Variants in CDH13 observed in about 807,000 individuals in gnomAD.
The protein encoded by CDH13 is cadherin 13.
CDH13 carries 24 observed loss-of-function variants against 63.8 expected under a neutral mutation model. The observed-to-expected ratio is 0.38, with a 90% CI of 0.27 to 0.53. The LOEUF is 0.53. Among genes scored for constraint, CDH13 ranks in the 20% least tolerant of loss-of-function variants. The pLI is 0.85. For synonymous variants in CDH13, 503 were observed against 355.3 expected (o/e 1.42, Z -4.67); for missense variants, 1,049 against 903.1 (o/e 1.16, Z -2.07).
chr16:83,688,041 G>A (rs1304576986), intron 10 of CDH13, among the ~76,000 whole-genome samples: 1 of 152,132 alleles, frequency 6.6e-6, no homozygotes, highest in Admixed American at 6.5e-5. Context: ...AACTGGTAAA[G>A]AATACAACAT....
intron 5 of CDH13, among the ~76,000 whole-genome samples, chr16:83,296,413 C>T (rs2089598661): frequency 6.6e-6 from 1 of 152,016 alleles, no homozygotes; most frequent in Non-Finnish European, 1.5e-5. Context: ...TATAGGAGTT[C>T]ATGGTAGGGA....
At chr16:83,736,856 G>A (rs1488334911) in intron 10 of CDH13, among the ~76,000 whole-genome samples, 1 of 152,218 alleles carries the variant, frequency 6.6e-6, no homozygotes, top group African/African-American at 2.4e-5. Context: ...AAGACGCCCG[G>A]TATGACCTTT....
At chr16:82,924,939 A>G (rs1460389436) in intron 2 of CDH13, among the ~76,000 whole-genome samples, 1 of 152,176 alleles carries the variant, frequency 6.6e-6, no homozygotes, top group Non-Finnish European at 1.5e-5. Context: ...CTGAAAAAAA[A>G]ATAGATGTTT....
chr16:83,656,595 T>C (rs182703307), intron 8 of CDH13, among the ~76,000 whole-genome samples: 1 of 152,252 alleles, frequency 6.6e-6, no homozygotes, highest in Non-Finnish European at 1.5e-5. Flanking sequence ...TAAGAAAAAG[T>C]CAACCAGATC....
intron 1 of CDH13, among the ~76,000 whole-genome samples, chr16:82,634,844 G>A (rs1908455676): frequency 1.3e-5 from 2 of 152,196 alleles, no homozygotes; most frequent in Admixed American, 1.3e-4. Context: ...TGACTTCAGG[G>A]AGATTCACCT....
At chr16:83,397,131 G>A (rs944015838) in intron 6 of CDH13, among the ~76,000 whole-genome samples, 3 of 151,844 alleles carry the variant, frequency 2.0e-5, no homozygotes, top group South Asian at 2.1e-4. Flanking sequence ...GTCCCTCCTC[G>A]GCCGTGGGCA....
At chr16:83,770,116 C>T (rs1914663487) in intron 11 of CDH13, among the ~76,000 whole-genome samples, 1 of 152,184 alleles carries the variant, frequency 6.6e-6, no homozygotes, top group African/African-American at 2.4e-5. Context: ...AGCGTCAAAG[C>T]AATGCCAGGA....
At chr16:83,030,257 G>T (rs938579347) in intron 2 of CDH13, among the ~76,000 whole-genome samples, 2 of 152,118 alleles carry the variant, frequency 1.3e-5, no homozygotes, top group Admixed American at 1.3e-4. Context: ...CACTGAACTC[G>T]TTGGAACTGG....
intron 1 of CDH13, among the ~76,000 whole-genome samples, chr16:82,652,184 A>G (rs1910796880): frequency 6.6e-6 from 1 of 152,168 alleles, no homozygotes. Flanking sequence ...TTGGATCTCC[A>G]TTTCCCTGGA....
At chr16:83,352,707 G>A (rs1396737120) in intron 6 of CDH13, among the ~76,000 whole-genome samples, 13 of 152,078 alleles carry the variant, frequency 8.5e-5, no homozygotes, top group Admixed American at 5.9e-4. Context: ...TGGCTAACAC[G>A]GTGAAACCCC....
chr16:83,040,757 A>G (rs927302199), intron 3 of CDH13, among the ~76,000 whole-genome samples: 17 of 152,202 alleles, frequency 1.1e-4, no homozygotes, highest in Admixed American at 9.2e-4. Context: ...TTGACAATCA[A>G]TATTAGCCAT....
At position 83,184,333 on chromosome 16, in the gene CDH13, CTT is replaced by C. The variant is rs961130026; in HGVS notation, c.484-33010_484-33009del. On this transcript the variant is annotated intron_variant, in intron 4 of 13. Coordinates refer to ENST00000567109, the MANE Select transcript of CDH13 (RefSeq NM_001257.5). The stretch of plus-strand genomic sequence containing the variant: ...TCTAAAAAGTAAAACTCTGTCGACT[CTT>C]TGCTTTCAATGGGATTGTCCTCCCC... Among the ~76,000 whole-genome samples the C allele has an allele frequency of 3.3e-5, 5 of 152,084 alleles. No individual in the cohort carries two copies. In the East Asian group the frequency reaches 9.7e-4, roughly 29 times the overall value.
intron 8 of CDH13, among the ~76,000 whole-genome samples, chr16:83,631,238 T>G (rs905045922): frequency 1.3e-5 from 2 of 152,220 alleles, no homozygotes. Context: ...ATTTATGAGA[T>G]GCTGCTGGAA....
rs573165758 is a variant in CDH13 at position 82,898,942 on chromosome 16, T to C, written c.157+40469T>C. On this transcript the variant is annotated intron_variant, in intron 2 of 13. Coordinates refer to ENST00000567109, the MANE Select transcript of CDH13 (RefSeq NM_001257.5). ...CTCAGTATGTAGATATGGGCTTCCC[T>C]GGAAGGGGCAAAACCTTGGATGAGG... 3.3e-5 allele frequency among the ~76,000 whole-genome samples: 5 copies of C among 152,372 alleles called. No individual in the cohort carries two copies. In the South Asian group the frequency reaches 6.2e-4, roughly 19 times the overall value.
chr16:82,672,999 CT>C lies in CDH13; in HGVS notation c.45+45882del, dbSNP rs562942948. Among the ~76,000 whole-genome samples the C allele has an allele frequency of 4.9e-4, 40 of 81,276 alleles. 1 individual carries two copies. The highest frequency in any genetic ancestry group is 2.0e-3 in the African/African-American group (38 of 18,638). The allele number at this position is 81,276 out of a possible 152,430, so 53.3% of individuals were successfully genotyped here. A position where few individuals can be genotyped will look rare whatever the true frequency, so the allele number is the denominator to read the frequency against. On this transcript the variant is annotated intron_variant, in intron 1 of 13. Coordinates refer to ENST00000567109, the MANE Select transcript of CDH13 (RefSeq NM_001257.5). ...GTATGGCTAATTTTTATAAAGTTTTCTTTTTTTTTTTTTTTTTTTTGTAGAG... is the reference window on the plus strand; with the variant it reads ...GTATGGCTAATTTTTATAAAGTTTTCTTTTTTTTTTTTTTTTTTTGTAGAG...
At chr16:83,201,585 C>T (rs1244400508) in intron 4 of CDH13, among the ~76,000 whole-genome samples, 1 of 151,972 alleles carries the variant, frequency 6.6e-6, no homozygotes, top group Non-Finnish European at 1.5e-5. Context: ...TAATTTGGGA[C>T]CAAGGCTGAG....
chr16:83,768,270 GA>G (rs11295084), intron 11 of CDH13, among the ~76,000 whole-genome samples: 90,042 of 151,538 alleles, frequency 0.59, 27,383 homozygotes, highest in Admixed American at 0.69. Flanking sequence ...CAGAACCTGT[GA>G]AAAAAAAATC....
At chr16:83,522,828 C>T (rs2074872033) in intron 7 of CDH13, among the ~76,000 whole-genome samples, 1 of 152,148 alleles carries the variant, frequency 6.6e-6, no homozygotes, top group Non-Finnish European at 1.5e-5. Context: ...CCTATAGGTT[C>T]AATTCCCCTC....
At chr16:83,076,962 C>G (rs553696215) in intron 3 of CDH13, among the ~76,000 whole-genome samples, 59 of 152,120 alleles carry the variant, frequency 3.9e-4, no homozygotes, top group African/African-American at 1.4e-3. Flanking sequence ...GCAACCCAAA[C>G]CCCCATCAAG....
Sources: gnomAD v4.1 joint callset for allele counts (sites outside exome capture counted in the v4.1 genomes callset) on GRCh38, gnomAD v4.1.1 for gene constraint, MANE v1.5 for transcripts, NCBI Gene and HGNC (gene_info 2026-07-23, HGNC 2026-07-21) for gene names.